PRELID2: variants seen among roughly 807,000 people sequenced by gnomAD.
The protein encoded by PRELID2 is PRELI domain containing 2.
A neutral mutation model predicts 28.4 loss-of-function variants in PRELID2; 25 were observed. The observed-to-expected ratio is 0.88, with a 90% CI of 0.64 to 1.23. The LOEUF is 1.23. Among genes scored for constraint, PRELID2 ranks in the 50% most tolerant of loss-of-function variants. PRELID2 has a pLI of 0.00. For synonymous variants in PRELID2, 76 were observed against 71.6 expected (o/e 1.06, Z -0.31); for missense variants, 201 against 214.4 (o/e 0.94, Z 0.39).
chr5:145,655,901 G>A (rs1754384853), intron 1 of PRELID2, among the ~76,000 whole-genome samples: 1 of 152,132 alleles, frequency 6.6e-6, no homozygotes, highest in African/African-American at 2.4e-5. Context: ...TTGATAAATG[G>A]GATCTAATTA....
chr5:145,508,928 A>G (rs544744980), intron 1 of PRELID2, among the ~76,000 whole-genome samples: 1 of 152,188 alleles, frequency 6.6e-6, no homozygotes, highest in South Asian at 2.1e-4. Context: ...TTGACTCTCC[A>G]TGTTGAAAGT....
chr5:145,285,854 A>G, the PRELID2 span, among the ~76,000 whole-genome samples: 1 of 152,192 alleles, frequency 6.6e-6, no homozygotes, highest in Non-Finnish European at 1.5e-5. Flanking sequence ...AGGATAGTCT[A>G]TGACAGTGTT....
the PRELID2 span, among the ~76,000 whole-genome samples, chr5:145,439,648 G>T: frequency 6.6e-6 from 1 of 152,078 alleles, no homozygotes; most frequent in Non-Finnish European, 1.5e-5. Flanking sequence ...CAGACCTAAA[G>T]CCTCTGGGTT....
chr5:145,446,964 A>G, the PRELID2 span, among the ~76,000 whole-genome samples: 1 of 151,822 alleles, frequency 6.6e-6, no homozygotes, highest in African/African-American at 2.4e-5. Context: ...AAAGAGAATC[A>G]CTTGAACCTG....
chr5:145,361,308 G>A, the PRELID2 span, among the ~76,000 whole-genome samples: 1 of 152,160 alleles, frequency 6.6e-6, no homozygotes, highest in African/African-American at 2.4e-5. Context: ...ACCTTGCTAA[G>A]TGCTTTCTAA....
At chr5:145,417,311 C>T in the PRELID2 span, among the ~76,000 whole-genome samples, 1 of 152,030 alleles carries the variant, frequency 6.6e-6, no homozygotes. Context: ...CTGAATTCTA[C>T]CAAAGGTACA....
the PRELID2 span, among the ~76,000 whole-genome samples, chr5:145,459,781 T>C: frequency 6.6e-6 from 1 of 151,962 alleles, no homozygotes; most frequent in Admixed American, 6.6e-5. Context: ...CTAAATAGAA[T>C]TTATAGAAAA....
chr5:145,516,173 T>C (rs1341147014), intron 1 of PRELID2, among the ~76,000 whole-genome samples: 2 of 152,174 alleles, frequency 1.3e-5, no homozygotes, highest in Non-Finnish European at 2.9e-5. Flanking sequence ...ATAAAGGTTA[T>C]TCAAATGGGA....
chr5:145,692,183 C>A (rs777204457), intron 1 of PRELID2, among the ~76,000 whole-genome samples: 3 of 152,136 alleles, frequency 2.0e-5, no homozygotes, highest in Non-Finnish European at 2.9e-5. Flanking sequence ...TCTTTCTATG[C>A]CGGCATTTAT....
chr5:145,645,809 A>G (rs1754187332), intron 1 of PRELID2, among the ~76,000 whole-genome samples: 1 of 152,166 alleles, frequency 6.6e-6, no homozygotes, highest in Non-Finnish European at 1.5e-5. Flanking sequence ...TTGGCTGGAT[A>G]TGAAATTCTG....
At chr5:145,403,696 C>G in the PRELID2 span, among the ~76,000 whole-genome samples, 2 of 152,196 alleles carry the variant, frequency 1.3e-5, no homozygotes, top group Non-Finnish European at 2.9e-5. Flanking sequence ...ACAAATCCTA[C>G]GACATGGGTG....
intron 2 of PRELID2, chr5:145,472,275 A>T (rs1752061565): frequency 6.6e-6 from 1 of 152,210 alleles, no homozygotes; most frequent in Non-Finnish European, 1.5e-5. Flanking sequence ...GAGCTTGTCC[A>T]GGACTTGAAT....
intron 1 of PRELID2, among the ~76,000 whole-genome samples, chr5:145,629,197 G>A (rs577605002): frequency 1.8e-4 from 28 of 152,294 alleles, no homozygotes; most frequent in African/African-American, 6.3e-4. Context: ...GGAGAACAGG[G>A]TTGTGACTGG....
At chr5:145,339,817 T>G in the PRELID2 span, among the ~76,000 whole-genome samples, 6 of 152,230 alleles carry the variant, frequency 3.9e-5, no homozygotes, top group Admixed American at 3.9e-4. Flanking sequence ...TCTGAGAGCC[T>G]AGCCTCTAAA....
chr5:145,778,315 G>A (rs1758547257), intron 5 of PRELID2, among the ~76,000 whole-genome samples: 1 of 152,120 alleles, frequency 6.6e-6, no homozygotes, highest in Admixed American at 6.5e-5. Flanking sequence ...AGGGACGACT[G>A]GACGACCTGC....
the PRELID2 span, among the ~76,000 whole-genome samples, chr5:145,373,888 T>C: frequency 5.7e-4 from 74 of 129,838 alleles, 2 homozygotes; most frequent in African/African-American, 2.2e-3. Flanking sequence ...ATATATGATA[T>C]TATATATTAC....
chr5:145,303,174 A>C, the PRELID2 span, among the ~76,000 whole-genome samples: 1 of 152,216 alleles, frequency 6.6e-6, no homozygotes, highest in African/African-American at 2.4e-5. Context: ...ACATTTGTAA[A>C]GCACCCCAAA....
chr5:145,408,982 A>G, the PRELID2 span, among the ~76,000 whole-genome samples: 4 of 152,288 alleles, frequency 2.6e-5, no homozygotes, highest in Admixed American at 2.6e-4. Context: ...TCATCAGGTA[A>G]CCTATACAGA....
rs943365138 is a variant in PRELID2 at position 145,741,957 on chromosome 5, A to G, written n.70+22974T>C. Among the ~76,000 whole-genome samples, 63 of 6,820 alleles carry G rather than the reference A, an allele frequency of 9.2e-3. 8 individuals are homozygous for G. In the East Asian group the frequency reaches 0.39, roughly 42 times the overall value. The allele number at this position is 6,820 out of a possible 152,430, so 4.5% of individuals were successfully genotyped here. A position where few individuals can be genotyped will look rare whatever the true frequency, so the allele number is the denominator to read the frequency against. Reference sequence around the variant, plus strand: ...ATTATAAATAAATAAATTTATTATAATTAAATAAATAAATTTATTTAATTA... The same window carrying G: ...ATTATAAATAAATAAATTTATTATAGTTAAATAAATAAATTTATTTAATTA... On this transcript the variant is annotated intron_variant and non_coding_transcript_variant, in intron 1 of 2. Coordinates refer to the PRELID2 transcript ENST00000510259.
Sources: allele counts gnomAD v4.1 joint callset (sites outside exome capture counted in the v4.1 genomes callset), GRCh38; gene constraint gnomAD v4.1.1; transcripts MANE v1.5; gene names NCBI Gene and HGNC (gene_info 2026-07-23, HGNC 2026-07-21).